The following FANCI variants were observed in gnomAD, a reference collection of about 807,000 sequenced individuals.
FANCI encodes Fanconi anemia group I protein.
In FANCI, 156 loss-of-function variants were observed where a neutral mutation model predicts 176.1. That is an observed-to-expected ratio of 0.89 (90% CI 0.78 to 1.01). The LOEUF (loss-of-function observed/expected upper bound fraction) is 1.01. Ranked by LOEUF, FANCI falls within the 50% of genes least tolerant of loss-of-function variation. FANCI has a pLI of 0.00. For synonymous variants in FANCI, 613 were observed against 541.7 expected (o/e 1.13, Z -1.83); for missense variants, 1,678 against 1,534.1 (o/e 1.09, Z -1.57).
rs780568718 is a variant in FANCI at position 89,276,711 on chromosome 15, C to T, written c.1113C>T (p.Ser371=). ...TTAACTAAGCTTTGTGTTCTTGTAG[C>T]GTTCATAGCTGGGACCATGTTACTC... ...STMILEVVKN[S]VHSWDHVTQG... The change falls in exon 13 of 38, where the codon AGC becomes AGT. Residue 371 remains serine (S), a splice_region_variant and synonymous_variant. Coordinates refer to ENST00000310775, the MANE Select transcript of FANCI (RefSeq NM_001113378.2). 11 of 1,613,958 alleles carry T rather than the reference C, an allele frequency of 6.8e-6. No individual in the cohort carries two copies. Among genetic ancestry groups the T allele is most frequent in the African/African-American group, 6.7e-5 (5 of 74,908 alleles).
Position 89,284,358 on chromosome 15 carries a change from A to G in FANCI, c.1699-738A>G, listed in dbSNP as rs138107319. Among the ~76,000 whole-genome samples the G allele has an allele frequency of 4.9e-3, 745 of 152,348 alleles. 3 individuals are homozygous for G. The highest frequency in any genetic ancestry group is 0.017 in the African/African-American group (710 of 41,576). On this transcript the variant is annotated intron_variant, in intron 17 of 37. Coordinates refer to ENST00000310775, the MANE Select transcript of FANCI (RefSeq NM_001113378.2). ...GGAGACATTTATATATAACAGTTTG[A>G]CTAGGAATCCTCACTTTATTGCTTT... is the stretch of plus-strand genomic sequence containing the variant.
At chr15:89,317,232 C>T (rs187943166), downstream of FANCI, 30 of 722,666 alleles carry the variant, frequency 4.2e-5, no homozygotes, top group East Asian at 7.2e-4. Flanking sequence ...GGACACAGGG[C>T]ACCTTATAAA....
intron 14 of FANCI, among the ~76,000 whole-genome samples, chr15:89,280,436 A>T (rs1010452543): frequency 6.6e-6 from 1 of 152,148 alleles, no homozygotes; most frequent in African/African-American, 2.4e-5. Flanking sequence ...AGCATCATTG[A>T]TTTCCCTACC....
rs747690719 is a variant in FANCI, at chr15:89,264,511, ATTG to A, written c.670-8_670-6del. ...AATTGGGAGACCTTACCAATTTTGTATTGTTTTCAGGGAAGCAGAAAGAGTGTT... is the reference window on the plus strand; with the variant it reads ...AATTGGGAGACCTTACCAATTTTGTATTTTCAGGGAAGCAGAAAGAGTGTT... On this transcript the variant is annotated splice_region_variant and splice_polypyrimidine_tract_variant and intron_variant, in intron 8 of 37. Coordinates refer to ENST00000310775, the MANE Select transcript of FANCI (RefSeq NM_001113378.2). 157 of 1,612,716 alleles carry A rather than the reference ATTG, an allele frequency of 9.7e-5. No individual in the cohort carries two copies. Among genetic ancestry groups the A allele is most frequent in the Non-Finnish European group, 1.3e-4 (151 of 1,179,014 alleles).
intron 2 of FANCI, among the ~76,000 whole-genome samples, chr15:89,255,652 T>C (rs999704380): frequency 2.0e-5 from 3 of 152,206 alleles, no homozygotes; most frequent in Admixed American, 6.5e-5. Context: ...ATGAGGAATG[T>C]TCTATTTTTT....
chr15:89,263,922 G>C lies in FANCI; in HGVS notation c.565G>C (p.Glu189Gln), dbSNP rs2052827867. The C allele has an allele frequency of 1.2e-6, 2 of 1,614,072 alleles. No individual in the cohort carries two copies. Among genetic ancestry groups the C allele is most frequent in the East Asian group, 4.5e-5 (2 of 44,862 alleles). ...CCACAGGGATGTCCCTCTGACTGCA[G>C]AAGAGGTGGAATTTGTGGTGGAAAA... is the stretch of plus-strand genomic sequence containing the variant. ...SMFKDVPLTA[E>Q]EVEFVVEKAL... The change falls in exon 8 of 38, where the codon GAA (glutamate) becomes CAA (glutamine). Residue 189 changes from glutamate (E) to glutamine (Q), a missense_variant. Glu to Gln is a conservative substitution (Grantham distance 29). Transcript: ENST00000310775.
At chr15:89,306,947 C>G (rs1357781290) in intron 32 of FANCI, among the ~76,000 whole-genome samples, 2 of 152,078 alleles carry the variant, frequency 1.3e-5, no homozygotes, top group Non-Finnish European at 2.9e-5. Context: ...CCTTATAGAT[C>G]AAATACTAAG....
intron 13 of FANCI, among the ~76,000 whole-genome samples, chr15:89,277,323 G>C (rs1157463231): frequency 6.6e-6 from 1 of 151,304 alleles, no homozygotes; most frequent in Non-Finnish European, 1.5e-5. Context: ...AACAAAAAAA[G>C]AATCATGCTT....
intron 34 of FANCI, 48 bp downstream of exon 34, chr15:89,307,720 C>G (rs1390698975): frequency 6.2e-7 from 1 of 1,614,040 alleles, no homozygotes; most frequent in African/African-American, 1.3e-5. Context: ...GAAAGGATTT[C>G]TTACATGCCC....
intron 10 of FANCI, 46 bp from the exon 11 acceptor site, chr15:89,273,327 GAAAA>G (rs765354483): frequency 1.1e-5 from 8 of 711,024 alleles, no homozygotes; most frequent in Admixed American, 2.6e-5. Context: ...AAAAAAAAAA[GAAAA>G]AAGAAAATGT....
In FANCI at chr15:89,293,947, T is replaced by C. The variant is rs147934193; in HGVS notation, c.2406T>C (p.Asp802=). ...AKTKMANKTS[D]SLLSMKFVSS... ...CTAAAATGGCCAACAAGACAAGTGATAGTCTTTTGTCCATGAAATTTGTGT... is the reference window on the plus strand; with the variant it reads ...CTAAAATGGCCAACAAGACAAGTGACAGTCTTTTGTCCATGAAATTTGTGT... The change falls in exon 23 of 38, where the codon GAT becomes GAC. Residue 802 remains aspartate, a synonymous_variant. Coordinates refer to ENST00000310775, the MANE Select transcript of FANCI (RefSeq NM_001113378.2). 493 of 1,614,056 alleles carry C rather than the reference T, an allele frequency of 3.1e-4. No homozygotes were observed. The highest frequency in any genetic ancestry group is 4.1e-4 in the Non-Finnish European group (479 of 1,180,040).
rs777963480 is a variant in FANCI, at chr15:89,300,295, C to G, written c.2804-5C>G. Reference sequence around the variant, plus strand: ...AGAAGACAAGAGTTTCTTTTCCATTCCTAGATGTCACAGATAAGGAAGGAG... The same window carrying G: ...AGAAGACAAGAGTTTCTTTTCCATTGCTAGATGTCACAGATAAGGAAGGAG... On this transcript the variant is annotated splice_polypyrimidine_tract_variant and splice_region_variant and intron_variant, in intron 25 of 37. Coordinates refer to ENST00000310775, the MANE Select transcript of FANCI (RefSeq NM_001113378.2). The G allele has an allele frequency of 3.1e-6, 5 of 1,612,476 alleles. No homozygotes were observed. The Admixed American group carries it at 5.0e-5, about 16-fold the overall frequency.
At chr15:89,292,595 C>G (rs1401862837) in intron 20 of FANCI, 93 bp from the exon 21 acceptor site, 2 of 1,269,448 alleles carry the variant, frequency 1.6e-6, no homozygotes, top group African/African-American at 2.9e-5. Context: ...TTTCTTTAGC[C>G]TTATAGATAA....
intron 9 of FANCI, 90 bp downstream of exon 9, chr15:89,264,697 C>A: frequency 8.6e-7 from 1 of 1,168,500 alleles, no homozygotes. Flanking sequence ...TCTCTCTCAC[C>A]GCCTACCTTC....
intron 4 of FANCI, 120 bp from the exon 5 acceptor site, chr15:89,261,465 A>T: frequency 8.0e-7 from 1 of 1,257,794 alleles, no homozygotes. Flanking sequence ...TAAATCCCTT[A>T]TGGGACCAGT....
rs1207276259 is a variant in FANCI at position 89,264,044 on chromosome 15, T to C, written c.669+18T>C. 2.5e-6 allele frequency: 4 copies of C among 1,613,944 alleles called. No individual in the cohort carries two copies. In the East Asian group the frequency reaches 8.9e-5, roughly 36 times the overall value. ...CCTCCAAGGTACAAATGGAAAATTG[T>C]TTCTCCTTAGTTCTGGTGGTATGAC... On this transcript the variant is annotated intron_variant, in intron 8 of 37. Coordinates refer to ENST00000310775, the MANE Select transcript of FANCI (RefSeq NM_001113378.2).
At chr15:89,283,042 G>A (rs1305483776) in intron 16 of FANCI, 94 bp from the exon 17 acceptor site, 1 of 1,174,372 alleles carries the variant, frequency 8.5e-7, no homozygotes, top group East Asian at 2.3e-5. Flanking sequence ...TTATACATAT[G>A]CCTTCTCTGT....
At chr15:89,283,028 T>C in intron 16 of FANCI, 108 bp from the exon 17 acceptor site, 1 of 1,075,406 alleles carries the variant, frequency 9.3e-7, no homozygotes. Flanking sequence ...CTACGCTTCA[T>C]TGTTTATACA....
chr15:89,304,998 A>G, intron 28 of FANCI, 117 bp from the exon 29 acceptor site: 2 of 1,159,542 alleles, frequency 1.7e-6, no homozygotes, highest in Non-Finnish European at 2.5e-6. Context: ...CTGGTCTTGA[A>G]TTCCTGACCT....
Sources: gnomAD v4.1 joint callset for allele counts (sites outside exome capture counted in the v4.1 genomes callset) on GRCh38, gnomAD v4.1.1 for gene constraint, MANE v1.5 for transcripts, NCBI Gene and HGNC (gene_info 2026-07-23, HGNC 2026-07-21) for gene names.